MICA: variants seen among roughly 807,000 people sequenced by gnomAD.
MICA encodes the protein HLA class I antigen.
In MICA, 18 loss-of-function variants were observed where a neutral mutation model predicts 34.3. That is an observed-to-expected ratio of 0.52 (90% CI 0.36 to 0.78). The LOEUF (loss-of-function observed/expected upper bound fraction) is 0.78. MICA is among the 30% of genes least tolerant of loss of function. The pLI is 0.00. For synonymous variants in MICA, 135 were observed against 156.9 expected, an observed-to-expected ratio of 0.86 and a Z score of 1.04; for missense variants, 333 against 409.4, an observed-to-expected ratio of 0.81 and a Z score of 1.61.
At chr6:31,409,468 G>A (rs1348476072) in intron 1 of MICA, among the ~76,000 whole-genome samples, 1 of 151,840 alleles carries the variant, frequency 6.6e-6, no homozygotes, top group African/African-American at 2.4e-5. Context: ...TTTCTTTGAA[G>A]AATTGGCCAT....
intron 5 of MICA, among the ~76,000 whole-genome samples, chr6:31,414,743 T>C (rs577346252): frequency 3.6e-4 from 55 of 151,948 alleles, no homozygotes; most frequent in Middle Eastern, 3.4e-3. Flanking sequence ...GGTTCCCTCT[T>C]GGGTCTTGTC....
intron 5 of MICA, among the ~76,000 whole-genome samples, chr6:31,414,689 C>T (rs929058617): frequency 6.6e-6 from 1 of 151,930 alleles, no homozygotes; most frequent in Admixed American, 6.6e-5. Flanking sequence ...TTGGGGAGGC[C>T]TCTCACTGTA....
intron 1 of MICA, among the ~76,000 whole-genome samples, chr6:31,407,131 A>G (rs1770791801): frequency 6.6e-6 from 1 of 151,922 alleles, no homozygotes; most frequent in South Asian, 2.1e-4. Context: ...GAATCTGTAG[A>G]TTACTTTGGG....
chr6:31,405,697 C>T (rs1770710267), intron 1 of MICA, among the ~76,000 whole-genome samples: 1 of 151,592 alleles, frequency 6.6e-6, no homozygotes, highest in Non-Finnish European at 1.5e-5. Context: ...ATTAACCATC[C>T]CTGCTCCCCC....
chr6:31,412,325 G>A lies in MICA; in HGVS notation c.893G>A (p.Gly298Glu), dbSNP rs1771229730. 1.2e-6 allele frequency: 2 copies of A among 1,601,890 alleles called. No individual in the cohort carries two copies. The highest frequency in any genetic ancestry group is 1.7e-6 in the Non-Finnish European group (2 of 1,175,922). ...GNHSTHPVPSGKVLVLQSHWQ... is the reference protein window; with the variant it reads ...GNHSTHPVPSEKVLVLQSHWQ... Reference sequence around the variant, plus strand: ...TGTATAACAAGTCCCTTTTTTTCAGGGAAAGTGCTGGTGCTTCAGAGTCAT... The same window carrying A: ...TGTATAACAAGTCCCTTTTTTTCAGAGAAAGTGCTGGTGCTTCAGAGTCAT... Residue 298 changes from glycine (G) to glutamate (E), a missense_variant and splice_region_variant, in exon 5 of 6, where the codon GGG becomes GAG. Gly to Glu is a moderately conservative substitution (Grantham distance 98, BLOSUM62 -2). Coordinates refer to ENST00000449934, the MANE Select transcript of MICA (RefSeq NM_001177519.3).
intron 5 of MICA, among the ~76,000 whole-genome samples, chr6:31,413,544 C>G (rs9266813): frequency 0.35 from 52,525 of 151,434 alleles, 9,772 homozygotes; most frequent in African/African-American, 0.43. Context: ...GCAGTTCAGG[C>G]GACAGTAAGA....
chr6:31,402,927 C>T (rs1164378688), upstream of MICA, among the ~76,000 whole-genome samples: 1 of 151,384 alleles, frequency 6.6e-6, no homozygotes, highest in Non-Finnish European at 1.5e-5. Flanking sequence ...GAGAGGCGGC[C>T]CTGGGAGACT....
At chr6:31,403,288 G>T (rs914045293), upstream of MICA, among the ~76,000 whole-genome samples, 2 of 151,838 alleles carry the variant, frequency 1.3e-5, no homozygotes, top group African/African-American at 4.8e-5. This position sits in a 1 kb window ranked among gnomAD's most constrained non-coding sequence, Gnocchi z 4.7. Context: ...CGCGGGGATG[G>T]GTGGTCGCGA....
In MICA at chr6:31,403,808, G is replaced by A; in HGVS notation, c.70+106G>A. ...TGTGCGGTCAGGGCGGGGCTCCTGT[G>A]CCCTGTCGGTGGCGCAGGGAGCTGG... On this transcript the variant is annotated intron_variant, in intron 1 of 5. Coordinates refer to ENST00000449934, the MANE Select transcript of MICA (RefSeq NM_001177519.3). The surrounding 1 kb of genome is among the most constrained non-coding windows in gnomAD (Gnocchi z 4.7). The A allele has an allele frequency of 2.8e-6, 3 of 1,084,760 alleles. No individual in the cohort carries two copies. Among genetic ancestry groups the A allele is most frequent in the South Asian group, 1.5e-5 (1 of 67,284 alleles). The allele number at this position is 1,084,760 out of a possible 1,614,324, so 67.2% of individuals were successfully genotyped here.
rs559039020 is a variant in MICA, at chr6:31,412,513, G to A, written c.*29+53G>A. 39 of 1,151,636 alleles carry A rather than the reference G, an allele frequency of 3.4e-5. 1 individual carries two copies. In the Admixed American group the frequency reaches 5.4e-4, roughly 16 times the overall value. 71.3% of individuals were successfully genotyped at this position (1,151,636 alleles called of 1,614,324 possible). On this transcript the variant is annotated intron_variant, in intron 5 of 5. Transcript: ENST00000449934. The stretch of plus-strand genomic sequence containing the variant: ...TGGTAAGGCCCCTGTCTGGGCAGTA[G>A]GGTCCCCTCATTGCTCCTGCAAAGA...
At chr6:31,401,283 G>C (rs73400350), upstream of MICA, among the ~76,000 whole-genome samples, 559 of 151,792 alleles carry the variant, frequency 3.7e-3, 11 homozygotes, top group African/African-American at 0.013. Context: ...TAAATTATGA[G>C]GATCAAAATA....
At chr6:31,408,701 A>G (rs1770886257) in intron 1 of MICA, among the ~76,000 whole-genome samples, 1 of 151,712 alleles carries the variant, frequency 6.6e-6, no homozygotes, top group Admixed American at 6.6e-5. Context: ...GGCTTATTTC[A>G]CTTATAATAT....
At chr6:31,406,285 A>G (rs1422559250) in intron 1 of MICA, among the ~76,000 whole-genome samples, 1 of 151,336 alleles carries the variant, frequency 6.6e-6, no homozygotes, top group Non-Finnish European at 1.5e-5. Context: ...AGGAGTTTTG[A>G]TTTGCCTTCA....
upstream of MICA, among the ~76,000 whole-genome samples, chr6:31,403,011 A>G (rs1287377511): frequency 6.6e-6 from 1 of 151,772 alleles, no homozygotes; most frequent in Non-Finnish European, 1.5e-5. This position sits in a 1 kb window ranked among gnomAD's most constrained non-coding sequence, Gnocchi z 4.7. Flanking sequence ...AGGAGATTAT[A>G]AAGCTGAAAC....
Position 31,410,565 on chromosome 6 carries a change from C to T in MICA, c.93C>T (p.Asn31=). The change falls in exon 2 of 6, where the codon AAC becomes AAT. Residue 31 remains asparagine (N), a synonymous_variant. Coordinates refer to ENST00000449934, the MANE Select transcript of MICA (RefSeq NM_001177519.3). ...CAGAGCCCCACAGTCTTCGTTATAA[C>T]CTCACGGTGCTGTCCTGGGATGGAT... is the stretch of plus-strand genomic sequence containing the variant. ...AAAEPHSLRY[N]LTVLSWDGSV... The T allele has an allele frequency of 6.2e-7, 1 of 1,613,132 alleles. No individual in the cohort carries two copies. The highest frequency in any genetic ancestry group is 2.2e-5 in the East Asian group (1 of 44,836).
In MICA at chr6:31,411,111, A is replaced by C; in HGVS notation, c.365A>C (p.His122Pro). The C allele has an allele frequency of 6.2e-7, 1 of 1,608,438 alleles. No homozygotes were observed. Among genetic ancestry groups the C allele is most frequent in the Non-Finnish European group, 8.5e-7 (1 of 1,178,102 alleles). Reference sequence around the variant, plus strand: ...CAGGAGATTAGGGTCTGTGAGATCCATGAAGACAACAGCACCAGGAGCTCC... The same window carrying C: ...CAGGAGATTAGGGTCTGTGAGATCCCTGAAGACAACAGCACCAGGAGCTCC... ...SLQEIRVCEI[H>P]EDNSTRSSQH... is the part of the protein sequence containing the mutation. The change falls in exon 3 of 6, where the codon CAT becomes CCT. Residue 122 changes from histidine (H) to proline (P), a missense_variant. Coordinates refer to ENST00000449934, the MANE Select transcript of MICA (RefSeq NM_001177519.3). This position sits in a 1 kb window ranked among gnomAD's most constrained non-coding sequence, Gnocchi z 4.3.
At position 31,409,183 on chromosome 6, in the gene MICA, T is replaced by C. The variant is rs139262369; in HGVS notation, c.71-1360T>C. On this transcript the variant is annotated intron_variant, in intron 1 of 5. Coordinates refer to ENST00000449934, the MANE Select transcript of MICA (RefSeq NM_001177519.3). ...TTGGGTTACTTCTACCTTTTGGATA[T>C]TGGCAAATATTTCATTTCCTTTGGG... Among the ~76,000 whole-genome samples, 154 of 151,968 alleles carry C rather than the reference T, an allele frequency of 1.0e-3. 1 individual carries two copies. Among genetic ancestry groups the C allele is most frequent in the African/African-American group, 3.4e-3 (142 of 41,374 alleles).
chr6:31,406,138 G>A (rs770969879), intron 1 of MICA, among the ~76,000 whole-genome samples: 32 of 151,830 alleles, frequency 2.1e-4, no homozygotes, highest in Admixed American at 1.1e-3. Flanking sequence ...GTTTCCCATA[G>A]TGGTTGTACT....
intron 1 of MICA, among the ~76,000 whole-genome samples, chr6:31,404,580 A>C (rs2113724041): frequency 6.6e-6 from 1 of 151,640 alleles, no homozygotes; most frequent in Middle Eastern, 3.4e-3. Context: ...CCTTTCCTAC[A>C]AGCAGCCTTC....
Sources: gnomAD v4.1 joint callset for allele counts (sites outside exome capture counted in the v4.1 genomes callset) on GRCh38, gnomAD v4.1.1 for gene constraint, Gnocchi (gnomAD v3.1) non-coding constraint, MANE v1.5 for transcripts, NCBI Gene and HGNC (gene_info 2026-07-23, HGNC 2026-07-21) for gene names.